Variants in TAFA4 observed in about 807,000 individuals in gnomAD.
The protein encoded by TAFA4 is chemokine-like protein TAFA-4.
In TAFA4, 20 loss-of-function variants were observed where a neutral mutation model predicts 21.1. The observed-to-expected ratio is 0.95, with a 90% CI of 0.67 to 1.38. The LOEUF (loss-of-function observed/expected upper bound fraction) is 1.38, where lower values mean the gene tolerates loss of function less well. TAFA4 is among the 40% of genes most tolerant of loss of function. The pLI is 0.00. For synonymous variants in TAFA4, 71 were observed against 67.4 expected, an observed-to-expected ratio of 1.05 and a Z score of -0.26; for missense variants, 211 against 180.9, an observed-to-expected ratio of 1.17 and a Z score of -0.95.
At chr3:68,820,807 G>C (rs1704096956) in intron 3 of TAFA4, among the ~76,000 whole-genome samples, 1 of 152,052 alleles carries the variant, frequency 6.6e-6, no homozygotes, top group Non-Finnish European at 1.5e-5. Context: ...AACATCATTT[G>C]TACACCATAA....
chr3:68,889,255 G>A (rs1175816596), intron 1 of TAFA4, among the ~76,000 whole-genome samples: 1 of 152,194 alleles, frequency 6.6e-6, no homozygotes, highest in Non-Finnish European at 1.5e-5. Flanking sequence ...TGTGGAGACA[G>A]TTACTGATTT....
At chr3:68,804,305 C>T (rs1703638579) in intron 3 of TAFA4, among the ~76,000 whole-genome samples, 1 of 152,086 alleles carries the variant, frequency 6.6e-6, no homozygotes, top group Non-Finnish European at 1.5e-5. Flanking sequence ...AAAGAGGATA[C>T]AAACAAATGG....
chr3:68,738,132 G>A (rs996093525), intron 5 of TAFA4, among the ~76,000 whole-genome samples: 6 of 152,038 alleles, frequency 3.9e-5, no homozygotes, highest in African/African-American at 1.5e-4. Context: ...AATTCAATCA[G>A]GAAAGAAGTC....
At chr3:68,791,307 G>A (rs1703356680) in intron 3 of TAFA4, among the ~76,000 whole-genome samples, 1 of 152,216 alleles carries the variant, frequency 6.6e-6, no homozygotes, top group Admixed American at 6.5e-5. Context: ...TGTAAGAAGA[G>A]GAAAATGTCA....
chr3:68,826,938 AG>A (rs986006092), intron 3 of TAFA4, among the ~76,000 whole-genome samples: 3 of 152,166 alleles, frequency 2.0e-5, no homozygotes, highest in African/African-American at 7.2e-5. Context: ...CACAACATGC[AG>A]GTTTTTTACA....
At chr3:68,783,224 G>A (rs138863760) in intron 3 of TAFA4, among the ~76,000 whole-genome samples, 2 of 152,254 alleles carry the variant, frequency 1.3e-5, no homozygotes, top group African/African-American at 4.8e-5. Flanking sequence ...AACAAAGCAG[G>A]AATATTTGCT....
intron 3 of TAFA4, among the ~76,000 whole-genome samples, chr3:68,775,320 G>A (rs75513794): frequency 0.045 from 6,812 of 152,230 alleles, 218 homozygotes; most frequent in Non-Finnish European, 0.063. Context: ...CTGGGGATAA[G>A]CTGTCACTGT....
At chr3:68,925,051 G>T (rs971314767) in intron 1 of TAFA4, among the ~76,000 whole-genome samples, 3 of 152,222 alleles carry the variant, frequency 2.0e-5, no homozygotes, top group Non-Finnish European at 4.4e-5. Context: ...CCTCTGGCTT[G>T]CTTAATGGAG....
intron 3 of TAFA4, among the ~76,000 whole-genome samples, chr3:68,764,670 G>T (rs1007414163): frequency 6.6e-6 from 1 of 152,130 alleles, no homozygotes; most frequent in East Asian, 1.9e-4. Context: ...GCAATGGACT[G>T]TACTGGGCAC....
intron 3 of TAFA4, among the ~76,000 whole-genome samples, chr3:68,771,230 C>T (rs986312013): frequency 1.2e-4 from 18 of 152,114 alleles, no homozygotes; most frequent in African/African-American, 2.7e-4. Context: ...GCAAGAACCC[C>T]GGGATACAGA....
At chr3:68,889,876 G>T (rs981687475) in intron 1 of TAFA4, among the ~76,000 whole-genome samples, 3 of 152,064 alleles carry the variant, frequency 2.0e-5, no homozygotes, top group Non-Finnish European at 4.4e-5. Context: ...TCTTGGACCA[G>T]GAAAAAATAG....
chr3:68,805,506 G>C (rs1020478202), intron 3 of TAFA4, among the ~76,000 whole-genome samples: 1 of 152,140 alleles, frequency 6.6e-6, no homozygotes, highest in African/African-American at 2.4e-5. Flanking sequence ...ACATGCACAC[G>C]TATGTTTATT....
At chr3:68,825,831 C>G (rs116715062) in intron 3 of TAFA4, among the ~76,000 whole-genome samples, 2,607 of 152,268 alleles carry the variant, frequency 0.017, 74 homozygotes, top group African/African-American at 0.06. Flanking sequence ...AGGTGTCTAT[C>G]CCTCCTCTCA....
At chr3:68,746,408 G>C (rs1410763019) in intron 4 of TAFA4, among the ~76,000 whole-genome samples, 1 of 152,054 alleles carries the variant, frequency 6.6e-6, no homozygotes, top group Non-Finnish European at 1.5e-5. Context: ...ATATTCTAAA[G>C]AAAAATGTAT....
At chr3:68,802,826 C>A (rs1703605037) in intron 3 of TAFA4, among the ~76,000 whole-genome samples, 1 of 152,144 alleles carries the variant, frequency 6.6e-6, no homozygotes, top group Admixed American at 6.5e-5. Flanking sequence ...CATATAGCAA[C>A]CCTGTTTTTT....
chr3:68,770,038 C>T (rs931357644), intron 3 of TAFA4, among the ~76,000 whole-genome samples: 1 of 152,034 alleles, frequency 6.6e-6, no homozygotes, highest in African/African-American at 2.4e-5. Flanking sequence ...GGAAAAATAT[C>T]CCTGCATAGG....
chr3:68,775,594 C>T (rs140645589), intron 3 of TAFA4, among the ~76,000 whole-genome samples: 38 of 152,292 alleles, frequency 2.5e-4, no homozygotes, highest in African/African-American at 8.4e-4. Context: ...ACTTCTTCCA[C>T]GTTGCAGGGT....
intron 3 of TAFA4, among the ~76,000 whole-genome samples, chr3:68,782,757 G>T (rs1362349800): frequency 2.0e-5 from 3 of 152,142 alleles, no homozygotes; most frequent in Admixed American, 1.3e-4. Context: ...GGGGAATGGG[G>T]AGTAGCAGTT....
chr3:68,850,336 G>C (rs767875525), intron 3 of TAFA4, among the ~76,000 whole-genome samples: 1 of 152,032 alleles, frequency 6.6e-6, no homozygotes. Flanking sequence ...GGACACAGCA[G>C]GTAAATAAAA....
Sources: gnomAD v4.1 joint callset for allele counts (sites outside exome capture counted in the v4.1 genomes callset) on GRCh38, gnomAD v4.1.1 for gene constraint, MANE v1.5 for transcripts, NCBI Gene and HGNC (gene_info 2026-07-23, HGNC 2026-07-21) for gene names.